The following NTN1 variants were observed in gnomAD, a reference collection of about 807,000 sequenced individuals.
The protein encoded by NTN1 is netrin-1.
A neutral mutation model predicts 54.2 loss-of-function variants in NTN1; 11 were observed. The ratio of observed to expected loss-of-function variants is 0.20; its 90% CI spans 0.13 to 0.34. The LOEUF (loss-of-function observed/expected upper bound fraction) is 0.34. Among genes scored for constraint, NTN1 ranks in the 10% least tolerant of loss-of-function variants. The pLI is 1.00. For missense variants in NTN1, 740 were observed against 893.1 expected (o/e 0.83, Z 2.18); for synonymous variants, 371 against 382.0 (o/e 0.97, Z 0.33).
chr17:9,087,962 C>T (rs1304442471), intron 2 of NTN1, among the ~76,000 whole-genome samples: 1 of 152,214 alleles, frequency 6.6e-6, no homozygotes, highest in Non-Finnish European at 1.5e-5. Context: ...ATGTAGAAAC[C>T]CCAATTCGAC....
intron 2 of NTN1, among the ~76,000 whole-genome samples, chr17:9,066,818 G>A (rs970727334): frequency 6.6e-6 from 1 of 151,956 alleles, no homozygotes; most frequent in African/African-American, 2.4e-5. Context: ...TGGCCAAAAT[G>A]GTGAAACCCC....
intron 2 of NTN1, among the ~76,000 whole-genome samples, chr17:9,122,983 C>T (rs1206213276): frequency 6.6e-6 from 1 of 152,144 alleles, no homozygotes; most frequent in Non-Finnish European, 1.5e-5. Context: ...TTTTTCCACT[C>T]TAAGCTTTGT....
At chr17:9,055,988 C>A (rs918855723) in intron 2 of NTN1, among the ~76,000 whole-genome samples, 3 of 152,154 alleles carry the variant, frequency 2.0e-5, no homozygotes, top group Admixed American at 6.5e-5. Flanking sequence ...GCCTCAACCT[C>A]CCAGACTCAG....
At chr17:9,155,276 G>T (rs1409260093) in intron 2 of NTN1, among the ~76,000 whole-genome samples, 2 of 152,118 alleles carry the variant, frequency 1.3e-5, no homozygotes, top group Non-Finnish European at 2.9e-5. Flanking sequence ...CCTTTTAAAG[G>T]CGTCAGTTAA....
chr17:9,221,399 T>C lies in NTN1; in HGVS notation c.1486+157T>C, dbSNP rs989095943. Among the ~76,000 whole-genome samples the C allele has an allele frequency of 1.3e-5, 2 of 152,164 alleles. No homozygotes were observed. The highest frequency in any genetic ancestry group is 4.1e-4 in the South Asian group (2 of 4,830). The stretch of plus-strand genomic sequence containing the variant: ...GACGGATCCCACGCCTGGGAATTTC[T>C]CATCTTTTCCTCCTTGGCCCTCAGA... On this transcript the variant is annotated intron_variant, in intron 6 of 6. Transcript: ENST00000173229. This position sits in a 1 kb window ranked among gnomAD's most constrained non-coding sequence, Gnocchi z 4.5.
upstream of NTN1, chr17:9,021,498 C>T (rs1401282756): frequency 1.3e-5 from 2 of 151,996 alleles, no homozygotes; most frequent in African/African-American, 4.8e-5. Context: ...CCCGCGCTCC[C>T]CTCCGCCCCT....
chr17:9,063,624 T>C (rs911408209), intron 2 of NTN1, among the ~76,000 whole-genome samples: 12 of 151,930 alleles, frequency 7.9e-5, no homozygotes, highest in Admixed American at 3.9e-4. Context: ...CTCAGCTCAC[T>C]GCAAGCTCTG....
At chr17:9,095,005 A>G (rs1011670473) in intron 2 of NTN1, among the ~76,000 whole-genome samples, 1 of 151,270 alleles carries the variant, frequency 6.6e-6, no homozygotes, top group African/African-American at 2.4e-5. Flanking sequence ...AAAAAAAAAA[A>G]AAAAAAAGAA....
intron 2 of NTN1, among the ~76,000 whole-genome samples, chr17:9,051,775 C>A (rs2142199445): frequency 6.6e-6 from 1 of 152,234 alleles, no homozygotes; most frequent in East Asian, 1.9e-4. Flanking sequence ...TACAATAGAT[C>A]TTTCTAACTT....
chr17:9,056,815 C>T (rs1261050388), intron 2 of NTN1, among the ~76,000 whole-genome samples: 6 of 152,168 alleles, frequency 3.9e-5, no homozygotes, highest in Non-Finnish European at 7.3e-5. Context: ...GGCTCCACCC[C>T]GTGAGATGTG....
At chr17:9,146,895 GC>G (rs373634627) in intron 2 of NTN1, among the ~76,000 whole-genome samples, 40 of 152,236 alleles carry the variant, frequency 2.6e-4, no homozygotes, top group African/African-American at 8.2e-4. Flanking sequence ...ATACTCAGTA[GC>G]TGGTGCTTCT....
chr17:9,112,616 G>C (rs1172317084), intron 2 of NTN1, among the ~76,000 whole-genome samples: 2 of 151,710 alleles, frequency 1.3e-5, no homozygotes, highest in African/African-American at 4.8e-5. Flanking sequence ...ACGAGGTCAG[G>C]AGATCGAGAC....
intron 2 of NTN1, among the ~76,000 whole-genome samples, chr17:9,035,543 G>T (rs2091900949): frequency 6.6e-6 from 1 of 152,118 alleles, no homozygotes; most frequent in Non-Finnish European, 1.5e-5. Flanking sequence ...AAGGGGAATT[G>T]CTGGGTCCTA....
intron 2 of NTN1, among the ~76,000 whole-genome samples, chr17:9,079,061 T>C (rs1170355191): frequency 6.6e-6 from 1 of 152,208 alleles, no homozygotes; most frequent in East Asian, 1.9e-4. Flanking sequence ...CCTTGGGTTC[T>C]GGGGGAGAAG....
chr17:9,199,479 C>T (rs543851353), intron 5 of NTN1, among the ~76,000 whole-genome samples: 1 of 152,366 alleles, frequency 6.6e-6, no homozygotes, highest in East Asian at 1.9e-4. Context: ...CCATCACAGC[C>T]CTGGATGGGT....
At chr17:9,088,165 G>A (rs557749741) in intron 2 of NTN1, among the ~76,000 whole-genome samples, 2 of 152,348 alleles carry the variant, frequency 1.3e-5, no homozygotes, top group South Asian at 4.1e-4. Flanking sequence ...CAGGGGGCAG[G>A]AGGCGGGAGA....
At position 9,179,883 on chromosome 17, in the gene NTN1, C is replaced by T. The variant is rs140380921; in HGVS notation, c.1284C>T (p.Gly428=). The part of the protein sequence containing the change: ...QTTGQCPCKD[G]VTGITCNRCA... ...CCGGCCAGTGTCCCTGCAAGGACGG[C>T]GTGACGGGTATCACCTGCAACCGCT... is the stretch of plus-strand genomic sequence containing the variant. The change falls in exon 4 of 7, where the codon GGC becomes GGT. Residue 428 remains glycine (G), a synonymous_variant. Coordinates refer to ENST00000173229, the MANE Select transcript of NTN1 (RefSeq NM_004822.3). 951 of 1,614,074 alleles carry T rather than the reference C, an allele frequency of 5.9e-4. 20 individuals carry two copies. In the South Asian group the frequency reaches 9.6e-3, roughly 16 times the overall value.
chr17:9,194,583 G>C (rs535973864), intron 5 of NTN1, among the ~76,000 whole-genome samples: 2 of 152,350 alleles, frequency 1.3e-5, no homozygotes, highest in East Asian at 3.9e-4. Flanking sequence ...GTGCACTGTA[G>C]GATGTGAAGC....
At chr17:9,237,454 G>A (rs1415494559) in intron 6 of NTN1, among the ~76,000 whole-genome samples, 1 of 152,152 alleles carries the variant, frequency 6.6e-6, no homozygotes, top group Non-Finnish European at 1.5e-5. Context: ...TGAAGTCCAG[G>A]GGGTTAAGGT....
Sources: gnomAD v4.1 joint callset for allele counts (sites outside exome capture counted in the v4.1 genomes callset) on GRCh38, gnomAD v4.1.1 for gene constraint, Gnocchi (gnomAD v3.1) non-coding constraint, MANE v1.5 for transcripts, NCBI Gene and HGNC (gene_info 2026-07-23, HGNC 2026-07-21) for gene names.